The following PCDHA2 variants were observed in gnomAD, a reference collection of about 807,000 sequenced individuals.
The protein encoded by PCDHA2 is protocadherin alpha 2, also known as protocadherin alpha-2.
In PCDHA2, 58 loss-of-function variants were observed where a neutral mutation model predicts 66.0. The observed-to-expected ratio is 0.88, with a 90% CI of 0.71 to 1.09. The LOEUF is 1.09. Among genes scored for constraint, PCDHA2 ranks in the 50% least tolerant of loss-of-function variants. The pLI is 0.00. For missense variants in PCDHA2, 1,267 were observed against 1,242.3 expected, an observed-to-expected ratio of 1.02 and a Z score of -0.30; for synonymous variants, 634 against 554.0, an observed-to-expected ratio of 1.14 and a Z score of -2.03.
In PCDHA2 at chr5:140,796,587, C is replaced by G; in HGVS notation, c.1623C>G (p.Gly541=). Residue 541 remains glycine (G), a synonymous_variant, in exon 1 of 4, where the codon GGC becomes GGG. Coordinates refer to ENST00000526136, the MANE Select transcript of PCDHA2 (RefSeq NM_018905.3). ...TCCAGGTGAGCGCGCGGGATGCGGG[C>G]GTGCCGCCTCTGGGCAGCAACGTGA... ...LQFQVSARDA[G]VPPLGSNVTL... 1 of 1,613,340 alleles carries G rather than the reference C, an allele frequency of 6.2e-7. No homozygotes were observed. Among genetic ancestry groups the G allele is most frequent in the Non-Finnish European group, 8.5e-7 (1 of 1,179,850 alleles).
At chr5:140,805,553 G>T in intron 1 of PCDHA2, 3 of 979,064 alleles carry the variant, frequency 3.1e-6, no homozygotes, top group Non-Finnish European at 3.6e-6. Flanking sequence ...TATGGATATA[G>T]GAGGCAAGGA....
chr5:140,972,290 C>T (rs1331683497), intron 1 of PCDHA2, among the ~76,000 whole-genome samples: 1 of 151,820 alleles, frequency 6.6e-6, no homozygotes, highest in African/African-American at 2.4e-5. Flanking sequence ...TAGATGTGCG[C>T]CACCGTGTCT....
intron 1 of PCDHA2, among the ~76,000 whole-genome samples, chr5:140,939,605 G>GAACAAGGA (rs1468383916): frequency 1.3e-5 from 2 of 152,082 alleles, no homozygotes; most frequent in African/African-American, 4.8e-5. Flanking sequence ...CTCAAAAACA[G>GAACAAGGA]AACAAGGAGA....
At chr5:140,800,392 A>G (rs1762549642) in intron 1 of PCDHA2, among the ~76,000 whole-genome samples, 1 of 152,212 alleles carries the variant, frequency 6.6e-6, no homozygotes, top group Admixed American at 6.5e-5. Flanking sequence ...CTACAAATTT[A>G]AAAAACCATA....
intron 1 of PCDHA2, chr5:140,930,059 A>G (rs1486359495): frequency 6.6e-6 from 1 of 152,200 alleles, no homozygotes; most frequent in Non-Finnish European, 1.5e-5. Flanking sequence ...TTGCTTACAC[A>G]AAAACTGTAA....
At chr5:140,842,571 G>T (rs1554139191) in intron 1 of PCDHA2, 2 of 1,508,202 alleles carry the variant, frequency 1.3e-6, no homozygotes, top group African/African-American at 1.5e-5. Context: ...GACCGCGAGA[G>T]AGTGTCGGCC....
At chr5:140,828,316 G>A (rs1554131197) in intron 1 of PCDHA2, 2 of 1,614,208 alleles carry the variant, frequency 1.2e-6, no homozygotes, top group Admixed American at 3.3e-5. Context: ...AGGACCTTCT[G>A]GAGGTAAATC....
In PCDHA2 at chr5:140,998,789, C is replaced by T. The variant is rs920510450; in HGVS notation, c.2537-10838C>T. On this transcript the variant is annotated intron_variant, in intron 3 of 3. Transcript: ENST00000526136. ...ATGTTGGTCAGGCTGGTCTGGAACC[C>T]CTGACCTCAGGTGATCTGCCTGCCT... 4.6e-5 allele frequency among the ~76,000 whole-genome samples: 7 copies of T among 152,118 alleles called. 1 individual carries two copies. Among genetic ancestry groups the T allele is most frequent in the Admixed American group, 2.6e-4 (4 of 15,262 alleles).
At chr5:140,887,369 T>C (rs782675531) in intron 1 of PCDHA2, among the ~76,000 whole-genome samples, 1 of 152,200 alleles carries the variant, frequency 6.6e-6, no homozygotes, top group Non-Finnish European at 1.5e-5. Context: ...GTGCTGGGAT[T>C]ACAGGTGTGA....
In PCDHA2 at chr5:140,850,228, G is replaced by A. The variant is rs199589192; in HGVS notation, c.2388+52876G>A. 517 of 1,593,874 alleles carry A rather than the reference G, an allele frequency of 3.2e-4. 25 individuals are homozygous for A. In the South Asian group the frequency reaches 5.4e-3, roughly 17 times the overall value. On this transcript the variant is annotated intron_variant, in intron 1 of 3. Coordinates refer to ENST00000526136, the MANE Select transcript of PCDHA2 (RefSeq NM_018905.3). ...ATGAGGGGCACTGACGGCGCAGTGA[G>A]CGAGATGGTGCTGCGGTCGGTGGGC...
chr5:140,839,258 G>A (rs1776122632), intron 1 of PCDHA2, among the ~76,000 whole-genome samples: 1 of 151,954 alleles, frequency 6.6e-6, no homozygotes, highest in Non-Finnish European at 1.5e-5. Flanking sequence ...ATGCTTACAT[G>A]CATGTATATT....
chr5:140,901,146 C>T (rs1463079898), intron 1 of PCDHA2, among the ~76,000 whole-genome samples: 1 of 152,062 alleles, frequency 6.6e-6, no homozygotes, highest in Admixed American at 6.6e-5. Context: ...AATATTTTCT[C>T]TCAATCTGTG....
chr5:140,857,815 G>A (rs782354426), intron 1 of PCDHA2: 2 of 1,597,792 alleles, frequency 1.3e-6, no homozygotes, highest in East Asian at 4.5e-5. Context: ...CGGGTCACGT[G>A]GTGGCTAAGG....
rs782041054 is a variant in PCDHA2 at position 140,795,063 on chromosome 5, C to T, written c.99C>T (p.Tyr33=). 25 of 1,613,830 alleles carry T rather than the reference C, an allele frequency of 1.5e-5. No individual in the cohort carries two copies. Among genetic ancestry groups the T allele is most frequent in the Non-Finnish European group, 4.2e-6 (5 of 1,180,048 alleles). ...AGGTGGGGAGCGGCCAGCTCCGCTA[C>T]TCCGTCCCCGAGGAGGCCAAACACG... ...AWEVGSGQLR[Y]SVPEEAKHGT... The change falls in exon 1 of 4, where the codon TAC becomes TAT. Residue 33 remains tyrosine, a synonymous_variant. Coordinates refer to ENST00000526136, the MANE Select transcript of PCDHA2 (RefSeq NM_018905.3).
chr5:140,879,470 T>C (rs73793510), intron 1 of PCDHA2, among the ~76,000 whole-genome samples: 2,106 of 152,256 alleles, frequency 0.014, 41 homozygotes, highest in African/African-American at 0.048. Flanking sequence ...GAGAATACCG[T>C]TGTGATTGGA....
At chr5:140,880,586 G>C (rs1212732393) in intron 1 of PCDHA2, among the ~76,000 whole-genome samples, 1 of 152,206 alleles carries the variant, frequency 6.6e-6, no homozygotes, top group African/African-American at 2.4e-5. Context: ...AGAGGAAAGA[G>C]AATATGGAAG....
rs782420685 is a variant in PCDHA2, at chr5:140,978,941, T to G, written c.2389-8T>G. 1 of 1,614,158 alleles carries G rather than the reference T, an allele frequency of 6.2e-7. No homozygotes were observed. The highest frequency in any genetic ancestry group is 2.2e-5 in the East Asian group (1 of 44,880). On this transcript the variant is annotated splice_region_variant and splice_polypyrimidine_tract_variant and intron_variant, in intron 1 of 3. Transcript: ENST00000526136. ...TTTTAACAGAAAACTCTCTTTGTGA[T>G]TTTGCAGCCACGACAGCCCAACCCT...
chr5:140,968,639 G>C (rs1278507600), intron 1 of PCDHA2: 1 of 1,614,032 alleles, frequency 6.2e-7, no homozygotes, highest in Non-Finnish European at 8.5e-7. Flanking sequence ...TTACCATCTA[G>C]CCCAGACTTC....
chr5:140,828,261 C>A lies in PCDHA2; in HGVS notation c.2388+30909C>A, dbSNP rs2150153228. 14 of 1,613,826 alleles carry A rather than the reference C, an allele frequency of 8.7e-6. No individual in the cohort carries two copies. In the African/African-American group the frequency reaches 1.5e-4, roughly 17 times the overall value. ...GCGCAGGACCTGGGGCTGGAGCTGGCGGAGCTGGTGCCGCGCCTGTTCAGG... is the reference window on the plus strand; with the variant it reads ...GCGCAGGACCTGGGGCTGGAGCTGGAGGAGCTGGTGCCGCGCCTGTTCAGG... On this transcript the variant is annotated intron_variant, in intron 1 of 3. Transcript: ENST00000526136.
Sources: gnomAD v4.1 joint callset for allele counts (sites outside exome capture counted in the v4.1 genomes callset) on GRCh38, gnomAD v4.1.1 for gene constraint, MANE v1.5 for transcripts, NCBI Gene and HGNC (gene_info 2026-07-23, HGNC 2026-07-21) for gene names.